Variants in FCF1 observed in about 807,000 individuals in gnomAD.
FCF1 encodes FCF1 rRNA-processing protein.
A neutral mutation model predicts 32.5 loss-of-function variants in FCF1; 17 were observed. The ratio of observed to expected loss-of-function variants is 0.52; its 90% confidence interval spans 0.36 to 0.78. FCF1 has a LOEUF of 0.78. Among genes scored for constraint, FCF1 ranks in the 30% least tolerant of loss-of-function variants. The probability of loss-of-function intolerance (pLI) is 0.00; values close to 1 mark genes in which losing one functional copy is unlikely to be tolerated. For missense variants in FCF1, 201 were observed against 241.1 expected, an observed-to-expected ratio of 0.83 and a Z score of 1.10; for synonymous variants, 84 against 78.4, an observed-to-expected ratio of 1.07 and a Z score of -0.38.
In FCF1 at chr14:74,713,568, C is replaced by T; in HGVS notation, c.71+16C>T. The T allele has an allele frequency of 3.1e-6, 5 of 1,601,120 alleles. No individual in the cohort carries two copies. The highest frequency in any genetic ancestry group is 4.3e-6 in the Non-Finnish European group (5 of 1,169,978). On this transcript the variant is annotated intron_variant, in intron 2 of 7. Coordinates refer to ENST00000341162, the MANE Select transcript of FCF1 (RefSeq NM_015962.5). ...ATCAGAGGCTGTGAGTGTCTGGAAT[C>T]AACTGCCCAGGGATATTCTAATAAG...
intron 4 of FCF1, among the ~76,000 whole-genome samples, chr14:74,718,601 G>A (rs1454707165): frequency 3.3e-5 from 5 of 152,002 alleles, no homozygotes; most frequent in Non-Finnish European, 7.4e-5. Flanking sequence ...AGCCTCCCGA[G>A]TAGCTGGGAT....
intron 4 of FCF1, among the ~76,000 whole-genome samples, chr14:74,718,203 C>T (rs1270058858): frequency 6.6e-6 from 1 of 152,116 alleles, no homozygotes; most frequent in African/African-American, 2.4e-5. Flanking sequence ...CTTTCTCTTC[C>T]TCTTACCTTG....
At chr14:74,725,640 T>A (rs771723184) in intron 5 of FCF1, among the ~76,000 whole-genome samples, 2 of 151,402 alleles carry the variant, frequency 1.3e-5, no homozygotes, top group Non-Finnish European at 2.9e-5. Context: ...CTTTAAAAAT[T>A]TGCCGGGCGG....
chr14:74,717,640 G>A (rs2090439261), intron 4 of FCF1, among the ~76,000 whole-genome samples: 2 of 152,174 alleles, frequency 1.3e-5, no homozygotes, highest in Admixed American at 1.3e-4. Context: ...ACCCCATATG[G>A]GGGAAGACAC....
chr14:74,734,540 T>C (rs2090680453), intron 7 of FCF1, among the ~76,000 whole-genome samples: 1 of 151,988 alleles, frequency 6.6e-6, no homozygotes. Flanking sequence ...AAAGCTGTTA[T>C]CCTTCTTGGC....
chr14:74,722,047 C>CTTT lies in FCF1; in HGVS notation c.293-1209_293-1207dup, dbSNP rs59367492. Among the ~76,000 whole-genome samples, 109 of 121,366 alleles carry CTTT rather than the reference C, an allele frequency of 9.0e-4. 4 individuals are homozygous for CTTT. The highest frequency in any genetic ancestry group is 2.7e-3 in the African/African-American group (87 of 31,800). The allele number at this position is 121,366 out of a possible 152,430, so 79.6% of individuals were successfully genotyped here. ...TTGTTTCCTCAATATTGGGTATTTT[C>CTTT]TTTTTTTTTTTTTTTTTTGAGATGG... On this transcript the variant is annotated intron_variant, in intron 4 of 7. Coordinates refer to ENST00000341162, the MANE Select transcript of FCF1 (RefSeq NM_015962.5).
Position 74,715,803 on chromosome 14 carries a change from C to T in FCF1, c.144-148C>T, listed in dbSNP as rs752116161. On this transcript the variant is annotated intron_variant, in intron 3 of 7. Transcript: ENST00000341162. ...ATTAAGATAATGATATTACTTTCTT[C>T]CTTGCCTTCCTTTTTAGGATTTATT... 4.5e-6 allele frequency: 7 copies of T among 1,566,594 alleles called. No individual in the cohort carries two copies. The East Asian group carries it at 1.4e-4, about 31-fold the overall frequency.
At chr14:74,730,056 G>T (rs2090614497) in intron 5 of FCF1, among the ~76,000 whole-genome samples, 1 of 151,900 alleles carries the variant, frequency 6.6e-6, no homozygotes. Context: ...GTGTGGTGTG[G>T]TGCTGAAAAA....
At chr14:74,734,204 T>C (rs751408635) in intron 7 of FCF1, 34 bp downstream of exon 7, 19 of 1,219,886 alleles carry the variant, frequency 1.6e-5, no homozygotes, top group East Asian at 2.3e-5. Flanking sequence ...GGAATAGAAA[T>C]ATATAATTGA....
Position 74,732,762 on chromosome 14 carries a change from C to T in FCF1, c.397C>T (p.Pro133Ser), listed in dbSNP as rs2090655931. The part of the protein sequence containing the change: ...IAKDPRFERL[P>S]CTHKGTYADD... ...CAAGGATCCAAGATTTGAACGATTA[C>T]CATGTACACACAAAGGAACCTATGC... is the stretch of plus-strand genomic sequence containing the variant. The change falls in exon 6 of 8, where the codon CCA (proline) becomes TCA (serine). Residue 133 changes from proline (P) to serine (S), a missense_variant. Around this residue, in one of 3 missense-constraint regions of FCF1, gnomAD observed 121 missense variants for 147.8 expected, o/e 0.82. Coordinates refer to ENST00000341162, the MANE Select transcript of FCF1 (RefSeq NM_015962.5). 6.2e-7 allele frequency: 1 copy of T among 1,612,658 alleles called. No homozygotes were observed. Among genetic ancestry groups the T allele is most frequent in the Non-Finnish European group, 8.5e-7 (1 of 1,179,246 alleles).
chr14:74,722,643 A>G (rs1286222873), intron 4 of FCF1, among the ~76,000 whole-genome samples: 1 of 151,876 alleles, frequency 6.6e-6, no homozygotes, highest in Non-Finnish European at 1.5e-5. Context: ...TTTAAATTTT[A>G]TTTCATCTGA....
chr14:74,719,589 T>C (rs1466622090), intron 4 of FCF1, among the ~76,000 whole-genome samples: 1 of 151,624 alleles, frequency 6.6e-6, no homozygotes, highest in Non-Finnish European at 1.5e-5. Flanking sequence ...GGCAAAACCC[T>C]ATCTCTACCA....
At chr14:74,719,321 A>G (rs1316070834) in intron 4 of FCF1, among the ~76,000 whole-genome samples, 4 of 141,980 alleles carry the variant, frequency 2.8e-5, no homozygotes, top group African/African-American at 1.0e-4. Context: ...AAGAAGAAGA[A>G]GAAAAGAAAG....
chr14:74,732,172 A>G (rs1027512796), intron 5 of FCF1, among the ~76,000 whole-genome samples: 1 of 150,692 alleles, frequency 6.6e-6, no homozygotes, highest in East Asian at 1.9e-4. Flanking sequence ...ATATATATGC[A>G]TATGCCCTGC....
At chr14:74,734,046 A>T (rs770380614) in intron 6 of FCF1, 30 bp from the exon 7 acceptor site, 1 of 1,458,578 alleles carries the variant, frequency 6.9e-7, no homozygotes, top group East Asian at 2.3e-5. Context: ...CAGTGACCTC[A>T]GTGTGAACAT....
chr14:74,726,977 G>A (rs1200313861), intron 5 of FCF1, among the ~76,000 whole-genome samples: 1 of 151,956 alleles, frequency 6.6e-6, no homozygotes, highest in East Asian at 1.9e-4. Flanking sequence ...TGGTGTATAT[G>A]TGCCACATTT....
In FCF1 at chr14:74,734,914, G is replaced by T; in HGVS notation, c.581G>T (p.Gly194Val). The T allele has an allele frequency of 6.2e-7, 1 of 1,613,742 alleles. No individual in the cohort carries two copies. Among genetic ancestry groups the T allele is most frequent in the South Asian group, 1.1e-5 (1 of 91,058 alleles). Residue 194 changes from glycine (G) to valine (V), a missense_variant, in exon 8 of 8, where the codon GGA becomes GTA. Coordinates refer to ENST00000341162, the MANE Select transcript of FCF1 (RefSeq NM_015962.5). ...ATTGAACGGATGCCAGATGATTATG[G>T]AGCCCCTCGATTCTAATTCTTACAA... ...YNIERMPDDY[G>V]APRF
rs1163290977 is a variant in FCF1 at position 74,736,214 on chromosome 14, G to GCCTGGA, written c.*1286_*1291dup. On this transcript the variant is annotated 3_prime_UTR_variant, in exon 8 of 8. Transcript: ENST00000341162. Reference sequence around the variant, plus strand: ...ACCTGAGGTCAGGAGTTGGAGATGAGCCTGGACAACATGGCAAAACCCCAC... The same window carrying GCCTGGA: ...ACCTGAGGTCAGGAGTTGGAGATGAGCCTGGACCTGGACAACATGGCAAAACCCCAC... 1 of 152,280 alleles carries GCCTGGA rather than the reference G, an allele frequency of 6.6e-6. No homozygotes were observed. The highest frequency in any genetic ancestry group is 1.9e-4 in the East Asian group (1 of 5,180). The allele number at this position is 152,280 out of a possible 1,614,324, so 9.4% of individuals were successfully genotyped here.
chr14:74,730,206 CTTTTTT>C (rs869067896), intron 5 of FCF1, among the ~76,000 whole-genome samples: 4 of 109,400 alleles, frequency 3.7e-5, no homozygotes, highest in East Asian at 5.1e-4. Context: ...TGTGTATATG[CTTTTTT>C]TTTTTTTTTT....
Sources: gnomAD v4.1 joint callset for allele counts (sites outside exome capture counted in the v4.1 genomes callset) on GRCh38, gnomAD v4.1.1 for gene constraint, gnomAD v4.1.1 regional missense constraint, MANE v1.5 for transcripts, NCBI Gene and HGNC (gene_info 2026-07-23, HGNC 2026-07-21) for gene names.